The following ZNF532 variants were observed in gnomAD, a reference collection of about 807,000 sequenced individuals.
ZNF532 encodes the protein zinc finger protein 532.
ZNF532 carries 22 observed loss-of-function variants against 89.3 expected under a neutral mutation model. The ratio of observed to expected loss-of-function variants is 0.25; its 90% CI spans 0.18 to 0.35. The LOEUF is 0.35. Ranked by LOEUF, ZNF532 falls within the 10% of genes least tolerant of loss-of-function variation. The pLI is 1.00. For synonymous variants in ZNF532, 606 were observed against 649.6 expected, an observed-to-expected ratio of 0.93 and a Z score of 1.02; for missense variants, 1,132 against 1,643.4, an observed-to-expected ratio of 0.69 and a Z score of 5.38.
chr18:58,925,910 G>A (rs2061485007), intron 3 of ZNF532, among the ~76,000 whole-genome samples: 1 of 152,106 alleles, frequency 6.6e-6, no homozygotes, highest in South Asian at 2.1e-4. Flanking sequence ...TTTGTGTGGG[G>A]CTATTTCTGG....
At chr18:58,939,361 A>C in intron 4 of ZNF532, 84 bp from the exon 5 acceptor site, 1 of 1,206,286 alleles carries the variant, frequency 8.3e-7, no homozygotes, top group Non-Finnish European at 1.1e-6. Context: ...AGGGCTATGA[A>C]AGTGTGTTCA....
chr18:58,903,986 C>T lies in ZNF532; in HGVS notation c.-17-14285C>T, dbSNP rs769271402. ...CAGTTGAACTAATTTTTTAAAACTT[C>T]CCCTGCATGCTCTCCCTTAGTAATA... On this transcript the variant is annotated intron_variant, in intron 2 of 9. Transcript: ENST00000591808. 1.3e-5 allele frequency among the ~76,000 whole-genome samples: 2 copies of T among 152,166 alleles called. 1 individual carries two copies. The highest frequency in any genetic ancestry group is 2.9e-5 in the Non-Finnish European group (2 of 68,030).
intron 8 of ZNF532, 183 bp downstream of exon 8, chr18:58,979,350 A>AC: frequency 2.6e-6 from 1 of 391,294 alleles, no homozygotes; most frequent in Admixed American, 4.5e-5. Flanking sequence ...TGAAAATAAA[A>AC]AAAAAAGGAG....
chr18:58,879,203 C>CT (rs796492824), intron 2 of ZNF532, among the ~76,000 whole-genome samples: 3 of 152,254 alleles, frequency 2.0e-5, no homozygotes, highest in African/African-American at 7.2e-5. Context: ...ACATTAGCGT[C>CT]TCTTGTGTCT....
chr18:58,890,498 A>G, intron 2 of ZNF532, among the ~76,000 whole-genome samples: 1 of 151,512 alleles, frequency 6.6e-6, no homozygotes. Context: ...TTAAACCTTA[A>G]ACTGTACCTG....
intron 7 of ZNF532, among the ~76,000 whole-genome samples, chr18:58,978,137 TTTAAATATAAGGAAA>T (rs1387186369): frequency 2.6e-5 from 4 of 152,126 alleles, no homozygotes; most frequent in Non-Finnish European, 4.4e-5. Context: ...GTGGGAAACT[TTTAAATATAAGGAAA>T]TTCGGCTTAC....
chr18:58,955,756 T>C (rs1438511542), intron 7 of ZNF532, among the ~76,000 whole-genome samples: 1 of 152,280 alleles, frequency 6.6e-6, no homozygotes, highest in African/African-American at 2.4e-5. Flanking sequence ...TATTTGGCTT[T>C]AGTGGCACAT....
chr18:58,960,372 T>C (rs2065232108), intron 7 of ZNF532, among the ~76,000 whole-genome samples: 1 of 152,064 alleles, frequency 6.6e-6, no homozygotes, highest in South Asian at 2.1e-4. Context: ...TTACATGGGG[T>C]GAAAGGAGAT....
Position 58,975,803 on chromosome 18 carries a change from C to T in ZNF532, c.3151-3252C>T, listed in dbSNP as rs549920353. 2.2e-4 allele frequency among the ~76,000 whole-genome samples: 33 copies of T among 152,250 alleles called. No homozygotes were observed. The East Asian group carries it at 6.4e-3, about 29-fold the overall frequency. ...TAGTTCACTATTTCTTTAAAGAGTTCTATTTAAAAACAAAGTAACTCAGAA... is the reference window on the plus strand; with the variant it reads ...TAGTTCACTATTTCTTTAAAGAGTTTTATTTAAAAACAAAGTAACTCAGAA... On this transcript the variant is annotated intron_variant, in intron 7 of 9. Transcript: ENST00000591808.
intron 2 of ZNF532, among the ~76,000 whole-genome samples, chr18:58,900,876 G>A (rs1343313570): frequency 6.6e-6 from 1 of 151,978 alleles, no homozygotes; most frequent in Non-Finnish European, 1.5e-5. Flanking sequence ...ATGATGCCCA[G>A]TTCCCAACCC....
chr18:58,892,152 CAT>C (rs2145399384), intron 2 of ZNF532, among the ~76,000 whole-genome samples: 2 of 152,254 alleles, frequency 1.3e-5, no homozygotes, highest in South Asian at 4.1e-4. Flanking sequence ...GTGAGTTAAA[CAT>C]ATATCTTCAG....
chr18:58,952,769 T>C (rs1214049899), intron 6 of ZNF532, among the ~76,000 whole-genome samples: 1 of 152,218 alleles, frequency 6.6e-6, no homozygotes, highest in East Asian at 1.9e-4. Flanking sequence ...AGCTGGTCTT[T>C]AGAATCAAAT....
At chr18:58,920,903 G>C (rs2061017604) in intron 3 of ZNF532, among the ~76,000 whole-genome samples, 1 of 151,964 alleles carries the variant, frequency 6.6e-6, no homozygotes, top group Non-Finnish European at 1.5e-5. Flanking sequence ...TGGTGTTGGA[G>C]GTGGTAGCAG....
upstream of ZNF532, chr18:58,863,941 C>T (rs1447254787): frequency 1.3e-5 from 2 of 152,132 alleles, no homozygotes; most frequent in African/African-American, 2.4e-5. Flanking sequence ...GTGGCCTGTC[C>T]CACCCTGGCC....
intron 2 of ZNF532, among the ~76,000 whole-genome samples, chr18:58,888,804 TATATAAA>T (rs1224825950): frequency 1.1e-3 from 61 of 56,442 alleles, no homozygotes; most frequent in African/African-American, 4.0e-3. Flanking sequence ...ATAATTTATA[TATATAAA>T]AAATTATATA....
At chr18:58,969,694 T>G (rs2147388505) in intron 7 of ZNF532, among the ~76,000 whole-genome samples, 1 of 152,332 alleles carries the variant, frequency 6.6e-6, no homozygotes. Flanking sequence ...CATTTGTGTT[T>G]GCTTGTTTAC....
intron 5 of ZNF532, among the ~76,000 whole-genome samples, chr18:58,942,123 A>T (rs762490139): frequency 6.6e-6 from 1 of 150,610 alleles, no homozygotes; most frequent in Non-Finnish European, 1.5e-5. Flanking sequence ...CCCGAGTTCA[A>T]GCCATTCTCC....
At chr18:58,925,913 A>G (rs559009748) in intron 3 of ZNF532, among the ~76,000 whole-genome samples, 2 of 152,166 alleles carry the variant, frequency 1.3e-5, no homozygotes, top group South Asian at 2.1e-4. Flanking sequence ...GTGTGGGGCT[A>G]TTTCTGGATT....
chr18:58,892,883 A>G (rs2145418146), intron 2 of ZNF532, among the ~76,000 whole-genome samples: 1 of 152,112 alleles, frequency 6.6e-6, no homozygotes, highest in East Asian at 1.9e-4. Flanking sequence ...CTGTTTCTGT[A>G]GTACTCTGCA....
Sources: gnomAD v4.1 joint callset for allele counts (sites outside exome capture counted in the v4.1 genomes callset) on GRCh38, gnomAD v4.1.1 for gene constraint, MANE v1.5 for transcripts, NCBI Gene and HGNC (gene_info 2026-07-23, HGNC 2026-07-21) for gene names.